Variants in HDAC4 observed in about 807,000 individuals in gnomAD.
HDAC4 encodes the protein histone deacetylase A.
In HDAC4, 16 loss-of-function variants were observed where a neutral mutation model predicts 135.1. The ratio of observed to expected loss-of-function variants is 0.12; its 90% CI spans 0.08 to 0.18. The LOEUF is 0.18. Among genes scored for constraint, HDAC4 ranks in the 10% least tolerant of loss-of-function variants. HDAC4 has a pLI of 1.00. For synonymous variants in HDAC4, 685 were observed against 653.4 expected (o/e 1.05, Z -0.74); for missense variants, 1,143 against 1,511.8 (o/e 0.76, Z 4.05).
At chr2:239,368,808 T>C (rs1301157574) in intron 1 of HDAC4, among the ~76,000 whole-genome samples, 1 of 152,122 alleles carries the variant, frequency 6.6e-6, no homozygotes, top group Non-Finnish European at 1.5e-5. Flanking sequence ...ACCAAAGCAG[T>C]AAATAAAGGT....
chr2:239,271,433 T>A (rs1575578215), intron 2 of HDAC4, among the ~76,000 whole-genome samples: 1 of 152,230 alleles, frequency 6.6e-6, no homozygotes, highest in Non-Finnish European at 1.5e-5. Flanking sequence ...GTCGGCTTAG[T>A]GTGTTTTTTG....
intron 9 of HDAC4, among the ~76,000 whole-genome samples, chr2:239,136,008 C>G (rs1023381253): frequency 6.6e-6 from 1 of 152,188 alleles, no homozygotes; most frequent in Non-Finnish European, 1.5e-5. Context: ...TATTTAACAT[C>G]TTTTTGCTTG....
intron 1 of HDAC4, among the ~76,000 whole-genome samples, chr2:239,357,930 T>G (rs1693616533): frequency 7.3e-6 from 1 of 137,918 alleles, no homozygotes; most frequent in Admixed American, 7.2e-5. Flanking sequence ...GAGTGGGAAT[T>G]AACTACAGAT....
Position 239,139,840 on chromosome 2 carries a change from G to T in HDAC4, c.866-44C>A. The T allele has an allele frequency of 6.4e-7, 1 of 1,554,736 alleles. No homozygotes were observed. The highest frequency in any genetic ancestry group is 1.1e-5 in the South Asian group (1 of 89,886). ...CCTGGTGAGTGTTACTCCATGCGGA[G>T]GGAGGGCCGTGCTGACCTGTGGCCC... On this transcript the variant is annotated intron_variant, in intron 8 of 26. Transcript: ENST00000543185. This position sits in a 1 kb window ranked among gnomAD's most constrained non-coding sequence, Gnocchi z 5.3.
Position 239,236,505 on chromosome 2 carries a change from C to G in HDAC4, c.94+88G>C, listed in dbSNP as rs1463835054. 5 of 1,091,764 alleles carry G rather than the reference C, an allele frequency of 4.6e-6. No individual in the cohort carries two copies. In the African/African-American group the frequency reaches 4.7e-5, roughly 10 times the overall value. 67.6% of individuals were successfully genotyped at this position (1,091,764 alleles called of 1,614,324 possible). ...CCCCACACCTCCCCCCTCGCCCTCT[C>G]TGCACTCCTCCAATAAGGCAGAGCG... On this transcript the variant is annotated intron_variant, in intron 3 of 26. Coordinates refer to ENST00000543185, the MANE Select transcript of HDAC4 (RefSeq NM_001378414.1).
intron 2 of HDAC4, among the ~76,000 whole-genome samples, chr2:239,246,949 A>AC (rs1168094012): frequency 6.6e-6 from 1 of 152,262 alleles, no homozygotes; most frequent in Non-Finnish European, 1.5e-5. Context: ...CCTGGCATGC[A>AC]CCGTGTGCAG....
At chr2:239,156,515 T>C in intron 7 of HDAC4, 137 bp downstream of exon 7, 4 of 1,075,862 alleles carry the variant, frequency 3.7e-6, no homozygotes, top group Admixed American at 1.9e-5. Flanking sequence ...CGATGCTCTA[T>C]GAAAGGAGAA....
chr2:239,401,519 C>G (rs1411910828), upstream of HDAC4: 1 of 185,206 alleles, frequency 5.4e-6, no homozygotes, highest in Non-Finnish European at 1.1e-5. Context: ...ACTCGGTAGC[C>G]CGCATGGCTG....
chr2:239,288,947 A>G (rs917057705), intron 2 of HDAC4, among the ~76,000 whole-genome samples: 2 of 152,194 alleles, frequency 1.3e-5, no homozygotes, highest in African/African-American at 4.8e-5. Context: ...TAGACAAGTC[A>G]CAGCTTAGGA....
chr2:239,163,434 G>C (rs2042936095), intron 6 of HDAC4, among the ~76,000 whole-genome samples: 1 of 152,166 alleles, frequency 6.6e-6, no homozygotes, highest in Non-Finnish European at 1.5e-5. Context: ...CACCGTGTGA[G>C]TGGACCCCCA....
At position 239,141,007 on chromosome 2, in the gene HDAC4, A is replaced by T; in HGVS notation, c.866-1211T>A. ...CCCCAACCTGGCAGACCTGATTCCA[A>T]ACTTTGCCTTTATTAGCTCATCCAT... On this transcript the variant is annotated intron_variant, in intron 8 of 26. Coordinates refer to ENST00000543185, the MANE Select transcript of HDAC4 (RefSeq NM_001378414.1). This position sits in a 1 kb window ranked among gnomAD's most constrained non-coding sequence, Gnocchi z 4.9. The T allele has an allele frequency of 2.7e-6, 1 of 375,576 alleles. No homozygotes were observed. The highest frequency in any genetic ancestry group is 3.7e-4 in the Middle Eastern group (1 of 2,692). 23.3% of individuals were successfully genotyped at this position (375,576 alleles called of 1,614,324 possible).
chr2:239,396,599 T>C (rs1366512135), intron 1 of HDAC4, among the ~76,000 whole-genome samples: 2 of 152,234 alleles, frequency 1.3e-5, no homozygotes, highest in Admixed American at 6.5e-5. Context: ...TCTCATGCTC[T>C]CCTTATTGGT....
chr2:239,212,587 C>G (rs1157589741), intron 3 of HDAC4, among the ~76,000 whole-genome samples: 4 of 152,178 alleles, frequency 2.6e-5, no homozygotes, highest in Non-Finnish European at 5.9e-5. Flanking sequence ...CCTTCTGCCC[C>G]CCATACAGGG....
At chr2:239,272,547 T>C (rs2050113762) in intron 2 of HDAC4, among the ~76,000 whole-genome samples, 1 of 152,228 alleles carries the variant, frequency 6.6e-6, no homozygotes, top group African/African-American at 2.4e-5. Flanking sequence ...CCCATGAGCA[T>C]GTGAAAAGAT....
In HDAC4 at chr2:239,141,163, C is replaced by T. The variant is rs1308940358; in HGVS notation, c.866-1367G>A. Among the ~76,000 whole-genome samples, 1 of 152,148 alleles carries T rather than the reference C, an allele frequency of 6.6e-6. No homozygotes were observed. The highest frequency in any genetic ancestry group is 1.5e-5 in the Non-Finnish European group (1 of 68,022). The stretch of plus-strand genomic sequence containing the variant: ...GGGAACTGTCATGGGCGTCTGCATA[C>T]CAGAGTTAACCCAGCTGGGTGGTGA... On this transcript the variant is annotated intron_variant, in intron 8 of 26. Transcript: ENST00000543185. The surrounding 1 kb of genome is among the most constrained non-coding windows in gnomAD (Gnocchi z 4.9).
At chr2:239,302,241 C>T (rs1489129109) in intron 2 of HDAC4, among the ~76,000 whole-genome samples, 3 of 152,102 alleles carry the variant, frequency 2.0e-5, no homozygotes, top group Admixed American at 6.6e-5. Context: ...AGGCAGGCGG[C>T]GGCCAAAGCC....
intron 2 of HDAC4, among the ~76,000 whole-genome samples, chr2:239,315,665 G>A (rs997540455): frequency 2.6e-5 from 4 of 152,172 alleles, no homozygotes; most frequent in Non-Finnish European, 5.9e-5. Context: ...AAACAGGGAT[G>A]TTTTAATAAA....
chr2:239,153,929 G>A (rs1359238786), intron 7 of HDAC4, among the ~76,000 whole-genome samples: 1 of 152,242 alleles, frequency 6.6e-6, no homozygotes. Flanking sequence ...GGCCGTGACA[G>A]TGTGCCGTCT....
chr2:239,082,372 C>T (rs980491875), intron 20 of HDAC4, 151 bp from the exon 21 acceptor site: 94 of 1,052,942 alleles, frequency 8.9e-5, no homozygotes, highest in Middle Eastern at 5.8e-4. Flanking sequence ...ACCCGGCAGG[C>T]GCGATTCTGG....
Sources: allele counts gnomAD v4.1 joint callset (sites outside exome capture counted in the v4.1 genomes callset), GRCh38; gene constraint gnomAD v4.1.1; non-coding constraint Gnocchi (gnomAD v3.1); transcripts MANE v1.5; gene names NCBI Gene and HGNC (gene_info 2026-07-23, HGNC 2026-07-21).